FRMD5: variants seen among roughly 807,000 people sequenced by gnomAD.
FRMD5 encodes FERM domain containing 5.
FRMD5 carries 20 observed loss-of-function variants against 69.0 expected under a neutral mutation model. That is an observed-to-expected ratio of 0.29 (90% confidence interval 0.20 to 0.42). The LOEUF is 0.42. FRMD5 is among the 10% of genes least tolerant of loss of function. FRMD5 has a pLI of 1.00. For missense variants in FRMD5, 595 were observed against 708.6 expected, an observed-to-expected ratio of 0.84 and a Z score of 1.82; for synonymous variants, 271 against 260.1, an observed-to-expected ratio of 1.04 and a Z score of -0.40.
chr15:44,192,964 A>G (rs1389108621), intron 1 of FRMD5, among the ~76,000 whole-genome samples: 1 of 152,222 alleles, frequency 6.6e-6, no homozygotes, highest in East Asian at 1.9e-4. Flanking sequence ...GAGCAGTAGG[A>G]AAATAAGTAC....
In FRMD5 at chr15:43,971,170, G is replaced by T. The variant is rs948816176; in HGVS notation, c.103-46861C>A. 5.3e-5 allele frequency among the ~76,000 whole-genome samples: 8 copies of T among 151,918 alleles called. No individual in the cohort carries two copies. In the East Asian group the frequency reaches 5.8e-4, roughly 11 times the overall value. On this transcript the variant is annotated intron_variant, in intron 1 of 13. Coordinates refer to ENST00000417257, the MANE Select transcript of FRMD5 (RefSeq NM_032892.5). ...CAGGAGAATCACTTGAACCCGGGAG[G>T]TGGAGGTTGCAGTGAGCTGAGAGCA...
At chr15:44,105,892 A>C (rs1233274559) in intron 1 of FRMD5, among the ~76,000 whole-genome samples, 1 of 152,190 alleles carries the variant, frequency 6.6e-6, no homozygotes. Context: ...AGGAACCCCC[A>C]CAGATACCAC....
intron 1 of FRMD5, among the ~76,000 whole-genome samples, chr15:44,055,069 C>CAAA (rs1024472194): frequency 5.3e-5 from 3 of 56,206 alleles, no homozygotes; most frequent in Non-Finnish European, 7.7e-5. Context: ...GACTCTGTCT[C>CAAA]AAAAAAAAAA....
chr15:44,059,926 T>C (rs1246724738), intron 1 of FRMD5, among the ~76,000 whole-genome samples: 1 of 152,190 alleles, frequency 6.6e-6, no homozygotes, highest in Non-Finnish European at 1.5e-5. Flanking sequence ...AGTATTTAAG[T>C]TTCAGATCAA....
chr15:44,117,923 G>T (rs2076892402), intron 1 of FRMD5, among the ~76,000 whole-genome samples: 1 of 150,758 alleles, frequency 6.6e-6, no homozygotes, highest in African/African-American at 2.5e-5. Context: ...TTAAAGGTTT[G>T]CTTTGAGGAA....
At chr15:44,061,782 G>C (rs115247775) in intron 1 of FRMD5, among the ~76,000 whole-genome samples, 1 of 152,170 alleles carries the variant, frequency 6.6e-6, no homozygotes, top group Non-Finnish European at 1.5e-5. Flanking sequence ...TTCTAATGGC[G>C]AGATGCATTA....
chr15:43,878,104 G>A (rs552653914), intron 13 of FRMD5, among the ~76,000 whole-genome samples: 6 of 152,252 alleles, frequency 3.9e-5, no homozygotes, highest in South Asian at 4.2e-4. Context: ...CCAGGCTCAG[G>A]TGATCCTCCC....
rs939720972 is a variant in FRMD5, at chr15:43,892,053, G to C, written c.656C>G (p.Ala219Gly). The change falls in exon 8 of 14, where the codon GCT (alanine) becomes GGT (glycine). Residue 219 changes from alanine (A) to glycine (G), a missense_variant. Transcript: ENST00000417257. The stretch of plus-strand genomic sequence containing the variant: ...AAAAGGAGTGAAGGCCAGAAATGCA[G>C]CATTTCCTGACACGTCCTGCAACAC... ...PHPCKDVSGNAAFLAFTPFGF... is the reference protein window; with the variant it reads ...PHPCKDVSGNGAFLAFTPFGF... The C allele has an allele frequency of 6.2e-7, 1 of 1,614,108 alleles. No homozygotes were observed. Among genetic ancestry groups the C allele is most frequent in the Non-Finnish European group, 8.5e-7 (1 of 1,179,974 alleles).
chr15:43,951,711 A>G (rs2140512923), intron 1 of FRMD5, among the ~76,000 whole-genome samples: 1 of 152,312 alleles, frequency 6.6e-6, no homozygotes, highest in East Asian at 1.9e-4. Flanking sequence ...AAACTGCTGT[A>G]TTAGCAAACT....
At chr15:43,912,740 G>A (rs991299498) in intron 4 of FRMD5, among the ~76,000 whole-genome samples, 2 of 151,810 alleles carry the variant, frequency 1.3e-5, no homozygotes, top group African/African-American at 2.4e-5. Flanking sequence ...CCTTTGGGCC[G>A]GGCGCGGTGG....
intron 1 of FRMD5, among the ~76,000 whole-genome samples, chr15:44,123,704 C>T (rs901492822): frequency 2.0e-5 from 3 of 151,814 alleles, no homozygotes; most frequent in Non-Finnish European, 2.9e-5. Context: ...TACATAAGGG[C>T]GACACCTAAA....
rs200287280 is a variant in FRMD5 at position 43,959,753 on chromosome 15, A to AT, written c.103-35445dup. ...TGTGTTAAGATTACTGACATCTGAG[A>AT]TTTTTTTTTCCTAGACATTTTTGCT... On this transcript the variant is annotated intron_variant, in intron 1 of 13. Coordinates refer to ENST00000417257, the MANE Select transcript of FRMD5 (RefSeq NM_032892.5). Among the ~76,000 whole-genome samples the AT allele has an allele frequency of 5.1e-4, 77 of 151,910 alleles. 1 individual carries two copies. In the East Asian group the frequency reaches 0.014, roughly 27 times the overall value.
intron 1 of FRMD5, among the ~76,000 whole-genome samples, chr15:44,155,545 A>G (rs975236836): frequency 2.6e-5 from 4 of 151,998 alleles, no homozygotes; most frequent in African/African-American, 9.7e-5. Context: ...TCCTTTATCA[A>G]AAAAAGGGTT....
chr15:44,145,873 G>A (rs1307823543), intron 1 of FRMD5, among the ~76,000 whole-genome samples: 3 of 152,110 alleles, frequency 2.0e-5, no homozygotes, highest in Non-Finnish European at 2.9e-5. Flanking sequence ...ATCCTTATTA[G>A]AAGAAAAACA....
chr15:43,965,816 G>T (rs1018875021), intron 1 of FRMD5, among the ~76,000 whole-genome samples: 1 of 151,810 alleles, frequency 6.6e-6, no homozygotes, highest in African/African-American at 2.4e-5. Context: ...CTGACCTCAG[G>T]TGATCCGCCC....
At chr15:44,169,385 A>C (rs1355350168) in intron 1 of FRMD5, among the ~76,000 whole-genome samples, 1 of 152,164 alleles carries the variant, frequency 6.6e-6, no homozygotes, top group Non-Finnish European at 1.5e-5. Flanking sequence ...TTCCATAAAA[A>C]AAAAAATTAA....
chr15:44,045,992 A>G (rs1892410989), intron 1 of FRMD5, among the ~76,000 whole-genome samples: 1 of 152,172 alleles, frequency 6.6e-6, no homozygotes, highest in African/African-American at 2.4e-5. Context: ...CTTTGCTGCT[A>G]TCATTATGCA....
chr15:43,888,969 C>T (rs2088731061), intron 8 of FRMD5, 97 bp from the exon 9 acceptor site: 2 of 1,004,516 alleles, frequency 2.0e-6, no homozygotes, highest in East Asian at 2.4e-5. Context: ...GGAAGGGGCT[C>T]CAGGCACAGA....
At chr15:43,896,190 C>G (rs545260510) in intron 7 of FRMD5, among the ~76,000 whole-genome samples, 3 of 152,080 alleles carry the variant, frequency 2.0e-5, no homozygotes, top group Non-Finnish European at 2.9e-5. Flanking sequence ...AGGTAACAGT[C>G]GAAATAATCT....
Sources: gnomAD v4.1 joint callset for allele counts (sites outside exome capture counted in the v4.1 genomes callset) on GRCh38, gnomAD v4.1.1 for gene constraint, MANE v1.5 for transcripts, NCBI Gene and HGNC (gene_info 2026-07-23, HGNC 2026-07-21) for gene names.